Variants in ZNF385D observed in about 807,000 individuals in gnomAD.
ZNF385D encodes zinc finger protein 385D.
ZNF385D carries 15 observed loss-of-function variants against 35.8 expected under a neutral mutation model. That is an observed-to-expected ratio of 0.42 (90% confidence interval 0.28 to 0.64). The LOEUF is 0.64. Ranked by LOEUF, ZNF385D falls within the 30% of genes least tolerant of loss-of-function variation. The pLI, the probability that ZNF385D is intolerant of heterozygous loss-of-function variation, is 0.23. For synonymous variants in ZNF385D, 212 were observed against 186.8 expected, an observed-to-expected ratio of 1.13 and a Z score of -1.10; for missense variants, 474 against 494.6, an observed-to-expected ratio of 0.96 and a Z score of 0.39.
intron 3 of ZNF385D, among the ~76,000 whole-genome samples, chr3:22,070,402 G>A (rs1700173461): frequency 6.6e-6 from 1 of 152,058 alleles, no homozygotes; most frequent in Non-Finnish European, 1.5e-5. Context: ...AAGTTGTAAA[G>A]CTTTATATTT....
intron 3 of ZNF385D, among the ~76,000 whole-genome samples, chr3:21,787,859 G>A (rs2071756607): frequency 6.7e-6 from 1 of 149,932 alleles, no homozygotes; most frequent in Non-Finnish European, 1.5e-5. Context: ...GGAGAATGGC[G>A]TGAACCCGGG....
At chr3:21,461,956 T>C (rs973096280) in intron 4 of ZNF385D, among the ~76,000 whole-genome samples, 2 of 152,234 alleles carry the variant, frequency 1.3e-5, no homozygotes, top group Non-Finnish European at 2.9e-5. Flanking sequence ...ACTTTCTAGT[T>C]CTTAGAGTGA....
chr3:22,344,335 A>G (rs1216921030), intron 2 of ZNF385D, among the ~76,000 whole-genome samples: 8 of 152,050 alleles, frequency 5.3e-5, no homozygotes, highest in Non-Finnish European at 1.0e-4. Flanking sequence ...CAGTCCCCTC[A>G]TCTTAAAATC....
chr3:22,288,885 C>T (rs11918530), intron 2 of ZNF385D, among the ~76,000 whole-genome samples: 6,199 of 152,162 alleles, frequency 0.041, 292 homozygotes, highest in African/African-American at 0.11. Flanking sequence ...TCCATCCAGT[C>T]AGAGATCCTA....
At chr3:22,090,243 G>T (rs577891251) in intron 3 of ZNF385D, among the ~76,000 whole-genome samples, 1 of 152,270 alleles carries the variant, frequency 6.6e-6, no homozygotes, top group Non-Finnish European at 1.5e-5. Context: ...GACATTTGGG[G>T]AATATTTTGA....
intron 3 of ZNF385D, among the ~76,000 whole-genome samples, chr3:22,041,837 G>T (rs1040651900): frequency 6.6e-6 from 1 of 152,076 alleles, no homozygotes; most frequent in Admixed American, 6.6e-5. Context: ...AAACAGGAAG[G>T]AATGTTCAGG....
chr3:21,621,199 G>C (rs2064996385), intron 2 of ZNF385D, among the ~76,000 whole-genome samples: 1 of 148,226 alleles, frequency 6.7e-6, no homozygotes, highest in African/African-American at 2.6e-5. Context: ...GCATTTGCTT[G>C]CTGTCTAAGA....
intron 3 of ZNF385D, among the ~76,000 whole-genome samples, chr3:21,805,456 A>G (rs1047452223): frequency 6.6e-6 from 1 of 152,232 alleles, no homozygotes; most frequent in African/African-American, 2.4e-5. Flanking sequence ...AAACAAATGC[A>G]TAAGTGAATC....
At chr3:22,350,261 C>T (rs1336485151) in intron 2 of ZNF385D, among the ~76,000 whole-genome samples, 2 of 152,032 alleles carry the variant, frequency 1.3e-5, no homozygotes, top group African/African-American at 4.8e-5. Flanking sequence ...GTTTTTATGT[C>T]TTTTCACTTC....
At chr3:21,686,322 G>A (rs1376759092) in intron 1 of ZNF385D, among the ~76,000 whole-genome samples, 1 of 151,914 alleles carries the variant, frequency 6.6e-6, no homozygotes, top group Non-Finnish European at 1.5e-5. Flanking sequence ...ATTATGCGTA[G>A]GTATAAAAAG....
chr3:22,286,301 T>C (rs1268359470), intron 2 of ZNF385D, among the ~76,000 whole-genome samples: 1 of 152,108 alleles, frequency 6.6e-6, no homozygotes, highest in Non-Finnish European at 1.5e-5. Flanking sequence ...AGTTTTTTCT[T>C]AGTCTATGTA....
At chr3:21,825,085 A>G (rs1026106752) in intron 3 of ZNF385D, among the ~76,000 whole-genome samples, 4 of 152,242 alleles carry the variant, frequency 2.6e-5, no homozygotes, top group African/African-American at 4.8e-5. Context: ...TCAGTACCAT[A>G]TAAGTCACTC....
At chr3:21,513,581 A>G (rs1289947356) in intron 3 of ZNF385D, among the ~76,000 whole-genome samples, 1 of 152,190 alleles carries the variant, frequency 6.6e-6, no homozygotes, top group Non-Finnish European at 1.5e-5. Flanking sequence ...AGATAAACCA[A>G]GACATGTAGA....
At chr3:21,644,348 A>T (rs1466602102) in intron 2 of ZNF385D, among the ~76,000 whole-genome samples, 1 of 152,156 alleles carries the variant, frequency 6.6e-6, no homozygotes, top group Admixed American at 6.5e-5. Context: ...CTCTCCCCAT[A>T]GCTCAGGGTG....
intron 2 of ZNF385D, among the ~76,000 whole-genome samples, chr3:22,181,275 T>G (rs1035205933): frequency 6.6e-6 from 1 of 152,056 alleles, no homozygotes; most frequent in African/African-American, 2.4e-5. Context: ...CCCTGAAAAT[T>G]TACGCATCCT....
At chr3:22,313,562 CA>C (rs1344345005) in intron 2 of ZNF385D, among the ~76,000 whole-genome samples, 1 of 151,546 alleles carries the variant, frequency 6.6e-6, no homozygotes, top group East Asian at 1.9e-4. Flanking sequence ...AAAGATATTA[CA>C]AAACAGACAA....
At chr3:21,861,549 G>A (rs1697054497) in intron 3 of ZNF385D, among the ~76,000 whole-genome samples, 1 of 152,094 alleles carries the variant, frequency 6.6e-6, no homozygotes, top group Admixed American at 6.6e-5. Context: ...ATCTGAAACT[G>A]TTGAACACTA....
intron 3 of ZNF385D, among the ~76,000 whole-genome samples, chr3:21,939,188 C>T (rs1701400405): frequency 6.6e-6 from 1 of 152,168 alleles, no homozygotes; most frequent in Non-Finnish European, 1.5e-5. Context: ...ACTGAAATAC[C>T]AACTATGATC....
chr3:22,094,502 T>A (rs961440541), intron 3 of ZNF385D, among the ~76,000 whole-genome samples: 1 of 141,686 alleles, frequency 7.1e-6, no homozygotes, highest in African/African-American at 2.6e-5. Context: ...TCCCATGAAA[T>A]AGAAAAGAAA....
Sources: gnomAD v4.1 joint callset for allele counts (sites outside exome capture counted in the v4.1 genomes callset) on GRCh38, gnomAD v4.1.1 for gene constraint, MANE v1.5 for transcripts, NCBI Gene and HGNC (gene_info 2026-07-23, HGNC 2026-07-21) for gene names.